The following PNPT1 variants were observed in gnomAD, a reference collection of about 807,000 sequenced individuals.
PNPT1 encodes the protein polyribonucleotide nucleotidyltransferase 1, mitochondrial.
A neutral mutation model predicts 119.5 loss-of-function variants in PNPT1; 53 were observed. The observed-to-expected ratio is 0.44, with a 90% CI of 0.36 to 0.56. The LOEUF (loss-of-function observed/expected upper bound fraction) is 0.56. Ranked by LOEUF, PNPT1 falls within the 20% of genes least tolerant of loss-of-function variation. The pLI, the probability that PNPT1 is intolerant of heterozygous loss-of-function variation, is 0.00. For synonymous variants in PNPT1, 357 were observed against 322.1 expected (o/e 1.11, Z -1.16); for missense variants, 948 against 938.5 (o/e 1.01, Z -0.13).
intron 17 of PNPT1, among the ~76,000 whole-genome samples, chr2:55,655,659 C>T (rs1362104378): frequency 1.3e-5 from 2 of 152,192 alleles, no homozygotes; most frequent in African/African-American, 4.8e-5. Context: ...ACGTCTGTTA[C>T]ACCTTTAAGA....
rs769944811 is a variant in PNPT1 at position 55,680,737 on chromosome 2, T to G, written c.540A>C (p.Ser180=). The G allele has an allele frequency of 6.2e-7, 1 of 1,613,722 alleles. No homozygotes were observed. Among genetic ancestry groups the G allele is most frequent in the Non-Finnish European group, 8.5e-7 (1 of 1,179,864 alleles). ...INGASVALSL[S]DIPWNGPVGA... is the part of the protein sequence containing the mutation. ...CAACAGGTCCATTCCAAGGAATATC[T>G]GATAATGAGAGGGCTACGGAAGCTT... is the stretch of plus-strand genomic sequence containing the variant. Residue 180 remains serine, a synonymous_variant, in exon 7 of 28, where the codon TCA becomes TCC. Coordinates refer to ENST00000447944, the MANE Select transcript of PNPT1 (RefSeq NM_033109.5).
Position 55,634,562 on chromosome 2 carries a change from T to C in PNPT1, c.*1675A>G, listed in dbSNP as rs1387447261. On this transcript the variant is annotated 3_prime_UTR_variant, in exon 28 of 28. Coordinates refer to ENST00000447944, the MANE Select transcript of PNPT1 (RefSeq NM_033109.5). ...CAGGCATGAGCTTCTGTGCCCACCA[T>C]TTTTTTTTTTGAGATGGAGTTTTAC... 4.9e-5 allele frequency: 7 copies of C among 143,362 alleles called. No individual in the cohort carries two copies. Among genetic ancestry groups the C allele is most frequent in the Non-Finnish European group, 1.1e-4 (7 of 65,238 alleles). 8.9% of individuals were successfully genotyped at this position (143,362 alleles called of 1,614,324 possible). A position where few individuals can be genotyped will look rare whatever the true frequency, so the allele number is the denominator to read the frequency against.
intron 18 of PNPT1, among the ~76,000 whole-genome samples, chr2:55,647,883 T>G (rs974942218): frequency 1.3e-5 from 2 of 152,168 alleles, no homozygotes; most frequent in Non-Finnish European, 2.9e-5. Context: ...CGAAGCTGAG[T>G]TGGAAGTCTT....
At chr2:55,662,303 T>A (rs1371472020) in intron 13 of PNPT1, among the ~76,000 whole-genome samples, 1 of 152,212 alleles carries the variant, frequency 6.6e-6, no homozygotes, top group Non-Finnish European at 1.5e-5. Context: ...GAGAAAGCAA[T>A]GTTTTTAAGA....
chr2:55,684,946 T>C lies in PNPT1; in HGVS notation c.400A>G (p.Ile134Val), dbSNP rs750475281. ...SDKEILTSRI[I>V]DRSIRPLFPA... is the part of the protein sequence containing the mutation. ...CGCCTCTATGTTAATATCTTACCTA[T>C]TATTCGACTTGTTAGAATTTCTTTA... is the stretch of plus-strand genomic sequence containing the variant. The change falls in exon 4 of 28, where the codon ATA becomes GTA. Residue 134 changes from isoleucine (I) to valine (V), a missense_variant. Physicochemically the swap from Ile to Val is conservative, Grantham distance 29. Transcript: ENST00000447944. The C allele has an allele frequency of 1.9e-6, 3 of 1,569,088 alleles. No individual in the cohort carries two copies. Among genetic ancestry groups the C allele is most frequent in the Non-Finnish European group, 2.6e-6 (3 of 1,150,144 alleles).
In PNPT1 at chr2:55,640,710, A is replaced by G. The variant is rs145739483; in HGVS notation, c.2070-5T>C. Reference sequence around the variant, plus strand: ...TTTACCATTACACCAGTATCTCTACAAAAAAATAAATAGTAAGCCTGGTTA... The same window carrying G: ...TTTACCATTACACCAGTATCTCTACGAAAAAATAAATAGTAAGCCTGGTTA... On this transcript the variant is annotated splice_polypyrimidine_tract_variant and splice_region_variant and intron_variant, in intron 25 of 27. Transcript: ENST00000447944. The G allele has an allele frequency of 0.011, 17,026 of 1,525,586 alleles. 146 individuals are homozygous for G. Among genetic ancestry groups the G allele is most frequent in the Middle Eastern group, 0.023 (106 of 4,604 alleles). The allele number at this position is 1,525,586 out of a possible 1,614,324, so 94.5% of individuals were successfully genotyped here.
In PNPT1 at chr2:55,671,360, G is replaced by A; in HGVS notation, c.935C>T (p.Ala312Val). 6.5e-7 allele frequency: 1 copy of A among 1,531,276 alleles called. No individual in the cohort carries two copies. Among genetic ancestry groups the A allele is most frequent in the Non-Finnish European group, 8.8e-7 (1 of 1,135,940 alleles). The allele number at this position is 1,531,276 out of a possible 1,614,324, so 94.9% of individuals were successfully genotyped here. A position where few individuals can be genotyped will look rare whatever the true frequency, so the allele number is the denominator to read the frequency against. Residue 312 changes from alanine to valine, a missense_variant, in exon 11 of 28, where the codon GCT (alanine) becomes GTT (valine). By Grantham distance (64) the Ala-to-Val change is moderately conservative. Coordinates refer to ENST00000447944, the MANE Select transcript of PNPT1 (RefSeq NM_033109.5). ...CGTATCTAATCTTATTTTGTTAACAGCTTCATCTCTGGAAACCTAAAAGAA... is the reference window on the plus strand; with the variant it reads ...CGTATCTAATCTTATTTTGTTAACAACTTCATCTCTGGAAACCTAAAAGAA... ...YEHDKVSRDE[A>V]VNKIRLDTEE...
intron 7 of PNPT1, 108 bp downstream of exon 7, chr2:55,680,604 T>G (rs1697218446): frequency 2.0e-6 from 2 of 1,007,802 alleles, no homozygotes; most frequent in East Asian, 4.8e-5. Context: ...GTTCAATTCA[T>G]GAAGAGGTAA....
Position 55,679,733 on chromosome 2 carries a change from A to T in PNPT1, c.628T>A (p.Ser210Thr). 1.2e-6 allele frequency: 2 copies of T among 1,612,900 alleles called. No homozygotes were observed. The highest frequency in any genetic ancestry group is 1.7e-6 in the Non-Finnish European group (2 of 1,179,344). Residue 210 changes from serine to threonine, a missense_variant, in exon 8 of 28, where the codon TCT (serine) becomes ACT (threonine). Physicochemically the swap from Ser to Thr is moderately conservative, Grantham distance 58. Coordinates refer to ENST00000447944, the MANE Select transcript of PNPT1 (RefSeq NM_033109.5). ...YVVNPTRKEM[S>T]SSTLNLVVAG... Reference sequence around the variant, plus strand: ...ACCACTAAATTTAAAGTACTAGAAGACATTTCTTTTCTTGTTGGGTTAACA... The same window carrying T: ...ACCACTAAATTTAAAGTACTAGAAGTCATTTCTTTTCTTGTTGGGTTAACA...
rs1572795937 is a variant in PNPT1 at position 55,643,208 on chromosome 2, C to T, written c.2019G>A (p.Glu673=). ...ATACTGCTCCAAATTCTAATTGCTG[C>T]TCCTGCTGTAAGTGCAAAATAAGCC... ...FITEICKDDQ[E]QQLEFGAVYT... is the part of the protein sequence containing the mutation. Residue 673 remains glutamate (E), a synonymous_variant, in exon 25 of 28, where the codon GAG becomes GAA. Transcript: ENST00000447944. The T allele has an allele frequency of 6.2e-7, 1 of 1,614,128 alleles. No homozygotes were observed. The highest frequency in any genetic ancestry group is 8.5e-7 in the Non-Finnish European group (1 of 1,180,028).
chr2:55,675,924 A>T (rs1275748644), intron 8 of PNPT1, among the ~76,000 whole-genome samples: 1 of 152,194 alleles, frequency 6.6e-6, no homozygotes, highest in Non-Finnish European at 1.5e-5. Context: ...ACTGGACAAC[A>T]CTGCTATCGA....
rs566043277 is a variant in PNPT1, at chr2:55,642,377, G to C, written c.2069+781C>G. Among the ~76,000 whole-genome samples the C allele has an allele frequency of 9.9e-5, 15 of 150,778 alleles. No individual in the cohort carries two copies. In the East Asian group the frequency reaches 1.4e-3, roughly 14 times the overall value. ...ATCCCAGTACTTTGGGAGGCCGAGG[G>C]GGGCGGATCACAAGGTCAGGAGATC... On this transcript the variant is annotated intron_variant, in intron 25 of 27. Coordinates refer to ENST00000447944, the MANE Select transcript of PNPT1 (RefSeq NM_033109.5).
intron 1 of PNPT1, among the ~76,000 whole-genome samples, chr2:55,692,221 TAC>T (rs1272112178): frequency 6.6e-6 from 1 of 151,998 alleles, no homozygotes; most frequent in Admixed American, 6.6e-5. Context: ...TGTAAACACA[TAC>T]ACACAGTGTG....
intron 18 of PNPT1, among the ~76,000 whole-genome samples, chr2:55,653,802 C>T (rs184384416): frequency 3.2e-4 from 48 of 152,284 alleles, no homozygotes; most frequent in African/African-American, 1.1e-3. Flanking sequence ...TTCATTTAAT[C>T]CTTTGTTATT....
In PNPT1 at chr2:55,643,111, C is replaced by T. The variant is rs201077571; in HGVS notation, c.2069+47G>A. 151 of 1,600,656 alleles carry T rather than the reference C, an allele frequency of 9.4e-5. No homozygotes were observed. In the African/African-American group the frequency reaches 1.7e-3, roughly 18 times the overall value. On this transcript the variant is annotated intron_variant, in intron 25 of 27. Transcript: ENST00000447944. Reference sequence around the variant, plus strand: ...TGTGGGTGGCAGGGTGAGACCCTGTCTCTAAAGAAAGGAAAATGCTCAGCA... The same window carrying T: ...TGTGGGTGGCAGGGTGAGACCCTGTTTCTAAAGAAAGGAAAATGCTCAGCA...
At chr2:55,688,414 G>C (rs1407906065) in intron 1 of PNPT1, among the ~76,000 whole-genome samples, 2 of 151,942 alleles carry the variant, frequency 1.3e-5, no homozygotes, top group Non-Finnish European at 2.9e-5. Flanking sequence ...CATACAAACA[G>C]GATTGTTTCC....
intron 1 of PNPT1, among the ~76,000 whole-genome samples, chr2:55,693,356 G>A (rs1474132337): frequency 6.6e-6 from 1 of 152,112 alleles, no homozygotes; most frequent in Non-Finnish European, 1.5e-5. Context: ...ATTCCTAGGT[G>A]GAATGTTTCC....
In PNPT1 at chr2:55,687,665, C is replaced by G; in HGVS notation, c.202G>C (p.Asp68His). Residue 68 changes from aspartate to histidine, a missense_variant, in exon 2 of 28, where the codon GAT (aspartate) becomes CAT (histidine). Asp to His is a moderately conservative substitution (Grantham distance 81, BLOSUM62 -1). Coordinates refer to ENST00000447944, the MANE Select transcript of PNPT1 (RefSeq NM_033109.5). The stretch of plus-strand genomic sequence containing the variant: ...TTTACCTGTACTACAGCAGAGCCAT[C>G]TGCAAATCTGGCCAGCTTTCCAGAA... The part of the protein sequence containing the change: ...ISSGKLARFA[D>H]GSAVVQSGDT... 6.3e-7 allele frequency: 1 copy of G among 1,598,804 alleles called. No individual in the cohort carries two copies. The highest frequency in any genetic ancestry group is 8.5e-7 in the Non-Finnish European group (1 of 1,175,344).
chr2:55,682,317 A>C (rs1393641331), intron 5 of PNPT1, among the ~76,000 whole-genome samples: 5 of 151,138 alleles, frequency 3.3e-5, no homozygotes, highest in Non-Finnish European at 5.9e-5. Context: ...AAAATTAGCC[A>C]GGTGTGGTGG....
Sources: gnomAD v4.1 joint callset for allele counts (sites outside exome capture counted in the v4.1 genomes callset) on GRCh38, gnomAD v4.1.1 for gene constraint, MANE v1.5 for transcripts, NCBI Gene and HGNC (gene_info 2026-07-23, HGNC 2026-07-21) for gene names.